SLCO1A2: variants seen among roughly 807,000 people sequenced by gnomAD.
The protein encoded by SLCO1A2 is solute carrier organic anion transporter family member 1A2.
SLCO1A2 carries 67 observed loss-of-function variants against 69.0 expected under a neutral mutation model. The ratio of observed to expected loss-of-function variants is 0.97; its 90% CI spans 0.80 to 1.19. The LOEUF is 1.19. SLCO1A2 is among the 50% of genes most tolerant of loss of function. SLCO1A2 has a pLI of 0.00. For missense variants in SLCO1A2, 787 were observed against 793.7 expected (o/e 0.99, Z 0.10); for synonymous variants, 260 against 265.9 (o/e 0.98, Z 0.22).
At chr12:21,328,214 T>C (rs564474848) in intron 2 of SLCO1A2, among the ~76,000 whole-genome samples, 153 of 152,226 alleles carry the variant, frequency 1.0e-3, no homozygotes, top group Non-Finnish European at 6.9e-4. Context: ...TCTTTATAAA[T>C]TACCCAGTCT....
chr12:21,333,935 G>A (rs1952763013), intron 2 of SLCO1A2, among the ~76,000 whole-genome samples: 2 of 151,926 alleles, frequency 1.3e-5, no homozygotes, highest in African/African-American at 4.8e-5. Context: ...CTTCTGATAG[G>A]GAGAAAATGA....
intron 1 of SLCO1A2, among the ~76,000 whole-genome samples, chr12:21,401,233 C>T (rs1482884046): frequency 6.6e-6 from 1 of 151,458 alleles, no homozygotes; most frequent in Admixed American, 6.6e-5. Flanking sequence ...AAAAAAGTTC[C>T]TATATTGTAA....
intron 1 of SLCO1A2, among the ~76,000 whole-genome samples, chr12:21,390,101 G>A (rs1941078009): frequency 6.6e-6 from 1 of 151,832 alleles, no homozygotes. Flanking sequence ...AAAATAGATG[G>A]AATTATACAG....
At chr12:21,363,056 C>A (rs1237383496) in intron 2 of SLCO1A2, among the ~76,000 whole-genome samples, 1 of 152,226 alleles carries the variant, frequency 6.6e-6, no homozygotes, top group Non-Finnish European at 1.5e-5. Context: ...TAATAGACAT[C>A]TACAGAACTC....
intron 1 of SLCO1A2, among the ~76,000 whole-genome samples, chr12:21,414,434 CT>C (rs1354905774): frequency 2.0e-5 from 3 of 151,976 alleles, no homozygotes; most frequent in Non-Finnish European, 1.5e-5. Context: ...GAGTTATTTA[CT>C]AATTTTTTTT....
At chr12:21,369,108 A>C (rs1018485737) in intron 2 of SLCO1A2, among the ~76,000 whole-genome samples, 1 of 152,176 alleles carries the variant, frequency 6.6e-6, no homozygotes, top group East Asian at 1.9e-4. Flanking sequence ...AACACATACA[A>C]ATTTGATAAA....
intron 2 of SLCO1A2, among the ~76,000 whole-genome samples, chr12:21,333,763 G>A (rs562961317): frequency 4.7e-4 from 71 of 152,158 alleles, no homozygotes; most frequent in Middle Eastern, 3.4e-3. Context: ...AGGTGGGAAT[G>A]TTGCTATTAC....
chr12:21,411,597 T>C (rs1941908036), intron 1 of SLCO1A2, among the ~76,000 whole-genome samples: 1 of 152,200 alleles, frequency 6.6e-6, no homozygotes, highest in Non-Finnish European at 1.5e-5. Context: ...TTTACTTGAC[T>C]GTGTAAAGTG....
At chr12:21,319,248 A>G (rs1951274532) in intron 2 of SLCO1A2, 1 of 962,400 alleles carries the variant, frequency 1.0e-6, no homozygotes, top group Admixed American at 2.1e-5. Context: ...AATGATATCT[A>G]AAGTACAAAA....
At chr12:21,358,577 A>C (rs1317211052) in intron 2 of SLCO1A2, among the ~76,000 whole-genome samples, 1 of 152,172 alleles carries the variant, frequency 6.6e-6, no homozygotes, top group Admixed American at 6.5e-5. Flanking sequence ...TTCTATCATC[A>C]TATATAGATA....
Position 21,268,061 on chromosome 12 carries a change from T to G in SLCO1A2, c.*1487A>C, listed in dbSNP as rs570394652. ...TTCATCCTTCCCCCTAAACCTGTTC[T>G]ATACAGCCTTTCTCTTCTCATTTGC... On this transcript the variant is annotated 3_prime_UTR_variant, in exon 15 of 15. Transcript: ENST00000683939. 2 of 151,756 alleles carry G rather than the reference T, an allele frequency of 1.3e-5. No homozygotes were observed. Among genetic ancestry groups the G allele is most frequent in the African/African-American group, 4.8e-5 (2 of 41,346 alleles). The allele number at this position is 151,756 out of a possible 1,614,324, so 9.4% of individuals were successfully genotyped here.
intron 2 of SLCO1A2, among the ~76,000 whole-genome samples, chr12:21,347,702 A>AGGTAGGAAGAAAGAAAG (rs1953320543): frequency 6.7e-6 from 1 of 148,200 alleles, no homozygotes; most frequent in Admixed American, 6.7e-5. Flanking sequence ...GGAAGGAAGA[A>AGGTAGGAAGAAAGAAAG]GGAAAAAAGG....
intron 12 of SLCO1A2, among the ~76,000 whole-genome samples, chr12:21,291,088 C>G (rs1417768660): frequency 6.6e-6 from 1 of 152,148 alleles, no homozygotes; most frequent in African/African-American, 2.4e-5. Flanking sequence ...CAGGACATCA[C>G]ATATTGACAC....
Position 21,264,826 on chromosome 12 carries a change from T to G in SLCO1A2, c.*4722A>C, listed in dbSNP as rs1010006021. On this transcript the variant is annotated 3_prime_UTR_variant, in exon 15 of 15. Transcript: ENST00000683939. ...GACCACAGGATCATTTGATCATTACTAACTGTGCAGGAATATTTACAACAG... is the reference window on the plus strand; with the variant it reads ...GACCACAGGATCATTTGATCATTACGAACTGTGCAGGAATATTTACAACAG... The G allele has an allele frequency of 2.0e-5, 3 of 152,196 alleles. No homozygotes were observed. Among genetic ancestry groups the G allele is most frequent in the Non-Finnish European group, 2.9e-5 (2 of 68,044 alleles). 9.4% of individuals were successfully genotyped at this position (152,196 alleles called of 1,614,324 possible).
chr12:21,274,767 G>C (rs1943494906), intron 13 of SLCO1A2, 181 bp from the exon 14 acceptor site: 4 of 689,512 alleles, frequency 5.8e-6, no homozygotes, highest in Non-Finnish European at 6.7e-6. Flanking sequence ...ATTATTAAAA[G>C]ATAAGTAATC....
chr12:21,270,358 TTAAAA>T (rs1480170553), intron 14 of SLCO1A2, among the ~76,000 whole-genome samples: 3 of 151,820 alleles, frequency 2.0e-5, no homozygotes, highest in Non-Finnish European at 4.4e-5. Flanking sequence ...CCTTGCATGC[TTAAAA>T]TAAACTGTAA....
At chr12:21,300,000 ATGTG>A (rs113017149) in intron 8 of SLCO1A2, among the ~76,000 whole-genome samples, 38 of 147,236 alleles carry the variant, frequency 2.6e-4, no homozygotes, top group Non-Finnish European at 4.2e-4. Context: ...GTGTAGATAT[ATGTG>A]TGTGTACATA....
At chr12:21,350,786 G>A (rs146965675) in intron 2 of SLCO1A2, among the ~76,000 whole-genome samples, 10,766 of 122,860 alleles carry the variant, frequency 0.088, 449 homozygotes, top group Middle Eastern at 0.27. Flanking sequence ...GTAGTGAGCC[G>A]AGATGGTGCC....
At chr12:21,407,102 G>A (rs1591921765) in intron 1 of SLCO1A2, among the ~76,000 whole-genome samples, 2 of 152,192 alleles carry the variant, frequency 1.3e-5, no homozygotes, top group African/African-American at 4.8e-5. Context: ...TTTCAGGAAG[G>A]CAAAAGTGCT....
Sources: gnomAD v4.1 joint callset for allele counts (sites outside exome capture counted in the v4.1 genomes callset) on GRCh38, gnomAD v4.1.1 for gene constraint, MANE v1.5 for transcripts, NCBI Gene and HGNC (gene_info 2026-07-23, HGNC 2026-07-21) for gene names.